Variants in GPATCH2 observed in about 807,000 individuals in gnomAD.
The protein encoded by GPATCH2 is G-patch domain containing 2, also known as G patch domain-containing protein 2.
Under a neutral mutation model 58.0 loss-of-function variants are expected in GPATCH2, and 51 were observed. The observed-to-expected ratio is 0.88, with a 90% CI of 0.70 to 1.11. The LOEUF is 1.11. Ranked by LOEUF, GPATCH2 falls within the 50% of genes most tolerant of loss-of-function variation. The probability of loss-of-function intolerance (pLI) is 0.00; values close to 1 mark genes in which losing one functional copy is unlikely to be tolerated. For synonymous variants in GPATCH2, 222 were observed against 218.5 expected (o/e 1.02, Z -0.14); for missense variants, 625 against 652.2 (o/e 0.96, Z 0.45).
intron 5 of GPATCH2, among the ~76,000 whole-genome samples, chr1:217,545,421 G>C (rs1288271686): frequency 6.6e-6 from 1 of 152,070 alleles, no homozygotes; most frequent in Non-Finnish European, 1.5e-5. Flanking sequence ...CATCATAGAG[G>C]GTATTTGGGC....
At chr1:217,513,349 C>T (rs1662949153) in intron 6 of GPATCH2, among the ~76,000 whole-genome samples, 1 of 151,932 alleles carries the variant, frequency 6.6e-6, no homozygotes, top group African/African-American at 2.4e-5. Context: ...ATGCATCAAG[C>T]ACTTTGAATG....
chr1:217,553,164 T>TA (rs1171737572), intron 5 of GPATCH2, among the ~76,000 whole-genome samples: 2 of 151,888 alleles, frequency 1.3e-5, no homozygotes, highest in East Asian at 3.9e-4. Context: ...AAAAAAGTAA[T>TA]AAAAAAACTA....
Position 217,431,220 on chromosome 1 carries a change from C to A in GPATCH2, c.1512G>T (p.Lys504Asn). The change falls in exon 10 of 10, where the codon AAG becomes AAT. Residue 504 changes from lysine to asparagine, a missense_variant. Lys to Asn is a moderately conservative substitution (Grantham distance 94). Coordinates refer to ENST00000366935, the MANE Select transcript of GPATCH2 (RefSeq NM_018040.5). ...GTAGAGGAAATCCAAGTCCTAATCC[C>A]TTTGGCCTCTGCATGGCTTGAATTG... ...SEPIQAMQRP[K>N]GLGLGFPLPK... 1 of 1,611,634 alleles carries A rather than the reference C, an allele frequency of 6.2e-7. No homozygotes were observed. Among genetic ancestry groups the A allele is most frequent in the Non-Finnish European group, 8.5e-7 (1 of 1,177,716 alleles).
chr1:217,618,404 C>T (rs913037730), intron 2 of GPATCH2, among the ~76,000 whole-genome samples: 24 of 151,330 alleles, frequency 1.6e-4, no homozygotes, highest in African/African-American at 5.8e-4. Flanking sequence ...GACGGGGTTT[C>T]ACCATACTGG....
In GPATCH2 at chr1:217,614,125, A is replaced by G; in HGVS notation, c.835+16T>C. On this transcript the variant is annotated intron_variant, in intron 3 of 9. Transcript: ENST00000366935. ...AGAAGTTTTTCCAAAGAGAGAAAAA[A>G]ATATCATTTCAGTACCTTGTCTTCC... 1 of 1,462,944 alleles carries G rather than the reference A, an allele frequency of 6.8e-7. No individual in the cohort carries two copies. Among genetic ancestry groups the G allele is most frequent in the South Asian group, 1.1e-5 (1 of 87,350 alleles). The allele number at this position is 1,462,944 out of a possible 1,614,324, so 90.6% of individuals were successfully genotyped here. A position where few individuals can be genotyped will look rare whatever the true frequency, so the allele number is the denominator to read the frequency against.
chr1:217,566,101 C>CAAAAAAAAAAAA (rs59608962), intron 5 of GPATCH2, among the ~76,000 whole-genome samples: 1 of 47,240 alleles, frequency 2.1e-5, no homozygotes, highest in African/African-American at 5.8e-5. Flanking sequence ...AACTCCGTCT[C>CAAAAAAAAAAAA]AAAAAAAAAA....
chr1:217,599,853 AATTT>A (rs1346633208), intron 5 of GPATCH2, among the ~76,000 whole-genome samples: 4 of 152,188 alleles, frequency 2.6e-5, no homozygotes, highest in Non-Finnish European at 4.4e-5. Flanking sequence ...AAATTAGAAG[AATTT>A]ATTAAGGATA....
intron 9 of GPATCH2, among the ~76,000 whole-genome samples, chr1:217,444,596 CTG>C (rs1659297752): frequency 6.6e-6 from 1 of 152,290 alleles, no homozygotes; most frequent in Admixed American, 6.5e-5. Context: ...TAATGGAAAA[CTG>C]TTTATTAAGA....
rs1399013413 is a variant in GPATCH2, at chr1:217,580,957, C to T, written c.1098+29364G>A. Among the ~76,000 whole-genome samples, 5 of 116,084 alleles carry T rather than the reference C, an allele frequency of 4.3e-5. No homozygotes were observed. The South Asian group carries it at 9.3e-4, about 21-fold the overall frequency. The allele number at this position is 116,084 out of a possible 152,430, so 76.2% of individuals were successfully genotyped here. On this transcript the variant is annotated intron_variant, in intron 5 of 9. Transcript: ENST00000366935. The stretch of plus-strand genomic sequence containing the variant: ...CCGGGAAGCGGAGCTTGCAGTGAGC[C>T]GAGATTGCGCCACTGCAGTCCGCAG...
intron 7 of GPATCH2, among the ~76,000 whole-genome samples, chr1:217,496,803 A>G (rs1391309641): frequency 6.6e-6 from 1 of 152,166 alleles, no homozygotes; most frequent in Non-Finnish European, 1.5e-5. Context: ...TTCAGTATTC[A>G]TTGATTCAGT....
chr1:217,479,900 C>G (rs1209069974), intron 8 of GPATCH2, among the ~76,000 whole-genome samples: 1 of 151,962 alleles, frequency 6.6e-6, no homozygotes, highest in Non-Finnish European at 1.5e-5. Context: ...AAGACAAAAA[C>G]TATAAGAAGA....
chr1:217,434,954 G>A (rs947259078), intron 9 of GPATCH2, among the ~76,000 whole-genome samples: 1 of 151,966 alleles, frequency 6.6e-6, no homozygotes, highest in African/African-American at 2.4e-5. Flanking sequence ...GAAGAAAAAT[G>A]AACATTTTAT....
At chr1:217,610,511 T>C in intron 4 of GPATCH2, 111 bp from the exon 5 acceptor site, 2 of 689,126 alleles carry the variant, frequency 2.9e-6, no homozygotes, top group East Asian at 5.1e-5. Context: ...TGGCGGTGAA[T>C]GCCACGAATA....
intron 8 of GPATCH2, among the ~76,000 whole-genome samples, chr1:217,471,405 A>C (rs1660716607): frequency 6.6e-6 from 1 of 152,142 alleles, no homozygotes; most frequent in Non-Finnish European, 1.5e-5. Flanking sequence ...TTTTTGGCAA[A>C]CCTGCAAAAT....
intron 5 of GPATCH2, among the ~76,000 whole-genome samples, chr1:217,529,439 T>C (rs1014669178): frequency 2.0e-5 from 3 of 152,104 alleles, no homozygotes; most frequent in African/African-American, 7.2e-5. Flanking sequence ...TAGAAATGGA[T>C]TAGTTCCCTC....
At position 217,619,774 on chromosome 1, in the gene GPATCH2, A is replaced by T. The variant is rs1246882211; in HGVS notation, c.773+9T>A. 8.0e-7 allele frequency: 1 copy of T among 1,257,438 alleles called. No individual in the cohort carries two copies. The highest frequency in any genetic ancestry group is 1.5e-5 in the African/African-American group (1 of 67,216). The allele number at this position is 1,257,438 out of a possible 1,614,324, so 77.9% of individuals were successfully genotyped here. A position where few individuals can be genotyped will look rare whatever the true frequency, so the allele number is the denominator to read the frequency against. On this transcript the variant is annotated intron_variant, in intron 2 of 9. Coordinates refer to ENST00000366935, the MANE Select transcript of GPATCH2 (RefSeq NM_018040.5). ...AAATATTTTTATATTTAGAGAATAT[A>T]AAAGTCACCTTTCACTCATGAGCTC... is the stretch of plus-strand genomic sequence containing the variant.
At chr1:217,457,816 T>C (rs895041732) in intron 8 of GPATCH2, among the ~76,000 whole-genome samples, 1 of 152,220 alleles carries the variant, frequency 6.6e-6, no homozygotes, top group African/African-American at 2.4e-5. Flanking sequence ...CTCATTTTCA[T>C]TTCAAAAACT....
chr1:217,484,258 G>A (rs1264230818), intron 8 of GPATCH2, among the ~76,000 whole-genome samples: 2 of 152,088 alleles, frequency 1.3e-5, no homozygotes, highest in East Asian at 3.9e-4. Context: ...AAAAGGATGA[G>A]TACAAAAAGG....
intron 5 of GPATCH2, among the ~76,000 whole-genome samples, chr1:217,518,650 T>C (rs1392488241): frequency 6.6e-6 from 1 of 152,202 alleles, no homozygotes; most frequent in African/African-American, 2.4e-5. Flanking sequence ...ATGGATGATA[T>C]CTTACTTATA....
Sources: gnomAD v4.1 joint callset for allele counts (sites outside exome capture counted in the v4.1 genomes callset) on GRCh38, gnomAD v4.1.1 for gene constraint, MANE v1.5 for transcripts, NCBI Gene and HGNC (gene_info 2026-07-23, HGNC 2026-07-21) for gene names.